The following PAPPA2 variants were observed in gnomAD, a reference collection of about 807,000 sequenced individuals.
PAPPA2 encodes pappalysin-2.
Under a neutral mutation model 176.4 loss-of-function variants are expected in PAPPA2, and 86 were observed. The ratio of observed to expected loss-of-function variants is 0.49; its 90% CI spans 0.41 to 0.58. The LOEUF (loss-of-function observed/expected upper bound fraction) is 0.58. Ranked by LOEUF, PAPPA2 falls within the 20% of genes least tolerant of loss-of-function variation. The pLI is 0.00. For missense variants in PAPPA2, 2,073 were observed against 2,256.9 expected (o/e 0.92, Z 1.65); for synonymous variants, 809 against 852.2 (o/e 0.95, Z 0.88).
intron 2 of PAPPA2, among the ~76,000 whole-genome samples, chr1:176,561,049 C>G (rs989994130): frequency 6.6e-6 from 1 of 152,214 alleles, no homozygotes; most frequent in Admixed American, 6.5e-5. Context: ...CTCTGAGGAT[C>G]CGAGCATTAG....
At chr1:176,616,377 C>T (rs565410353) in intron 3 of PAPPA2, 1 of 587,484 alleles carries the variant, frequency 1.7e-6, no homozygotes, top group East Asian at 4.1e-5. Flanking sequence ...AAAAGCTCCA[C>T]TCCGCTTTTG....
intron 3 of PAPPA2, among the ~76,000 whole-genome samples, chr1:176,605,949 C>T (rs985256616): frequency 2.0e-5 from 3 of 152,068 alleles, no homozygotes; most frequent in African/African-American, 7.2e-5. Context: ...ATGTAACTCC[C>T]ACTGAATTTT....
chr1:176,690,822 G>A (rs1660087187), intron 5 of PAPPA2: 2 of 1,008,240 alleles, frequency 2.0e-6, no homozygotes, highest in Non-Finnish European at 2.4e-6. Context: ...AAGAGTTTAT[G>A]GGTCAAGGTG....
chr1:176,844,979 C>G lies in PAPPA2; in HGVS notation c.*2525C>G, dbSNP rs1466283448. On this transcript the variant is annotated 3_prime_UTR_variant, in exon 23 of 23. Coordinates refer to ENST00000367662, the MANE Select transcript of PAPPA2 (RefSeq NM_020318.3). ...AGTTCCTGTTGTGTGTGAAGAGCCT[C>G]TTAGGCTATAAGGCTTCCCAGCCAT... 6.6e-6 allele frequency: 1 copy of G among 152,168 alleles called. No individual in the cohort carries two copies. The highest frequency in any genetic ancestry group is 1.5e-5 in the Non-Finnish European group (1 of 68,026). 9.4% of individuals were successfully genotyped at this position (152,168 alleles called of 1,614,324 possible).
intron 1 of PAPPA2, among the ~76,000 whole-genome samples, chr1:176,466,135 C>T (rs947095309): frequency 3.9e-5 from 6 of 151,976 alleles, no homozygotes; most frequent in South Asian, 2.1e-4. Context: ...ATTCTTCAAA[C>T]TTGAAGAATT....
At position 176,692,102 on chromosome 1, in the gene PAPPA2, G is replaced by A. The variant is rs1016387935; in HGVS notation, c.2432-24G>A. 7 of 1,590,238 alleles carry A rather than the reference G, an allele frequency of 4.4e-6. No individual in the cohort carries two copies. The Admixed American group carries it at 8.5e-5, about 19-fold the overall frequency. Reference sequence around the variant, plus strand: ...TGATGGGTTAAAATCTCCATCTCTTGTGCCACCTTTTTTGTCTCCACAGAT... The same window carrying A: ...TGATGGGTTAAAATCTCCATCTCTTATGCCACCTTTTTTGTCTCCACAGAT... On this transcript the variant is annotated intron_variant, in intron 5 of 22. Transcript: ENST00000367662.
chr1:176,689,993 G>A (rs548061663), intron 4 of PAPPA2, 144 bp from the exon 5 acceptor site: 2 of 727,126 alleles, frequency 2.8e-6, no homozygotes, highest in East Asian at 2.6e-5. Flanking sequence ...AGAAAGAAAA[G>A]CAATGACTGT....
chr1:176,826,598 C>A (rs1347118801), intron 21 of PAPPA2, among the ~76,000 whole-genome samples: 1 of 152,174 alleles, frequency 6.6e-6, no homozygotes, highest in African/African-American at 2.4e-5. Flanking sequence ...ATCAGCCACA[C>A]AAACTGAACT....
chr1:176,538,237 G>C (rs1028313200), intron 1 of PAPPA2, among the ~76,000 whole-genome samples: 1 of 152,078 alleles, frequency 6.6e-6, no homozygotes, highest in African/African-American at 2.4e-5. Context: ...CAACAGTTGG[G>C]ATGGACCCCA....
At chr1:176,718,195 TA>T (rs1268018971) in intron 12 of PAPPA2, among the ~76,000 whole-genome samples, 5 of 152,080 alleles carry the variant, frequency 3.3e-5, no homozygotes, top group Admixed American at 6.5e-5. Flanking sequence ...ATTTGTCCCT[TA>T]AAAAAATCTA....
In PAPPA2 at chr1:176,595,445, T is replaced by C. The variant is rs1271952781; in HGVS notation, c.1841T>C (p.Leu614Pro). 1 of 1,614,078 alleles carries C rather than the reference T, an allele frequency of 6.2e-7. No individual in the cohort carries two copies. Among genetic ancestry groups the C allele is most frequent in the African/African-American group, 1.3e-5 (1 of 74,932 alleles). Residue 614 changes from leucine (L) to proline (P), a missense_variant, in exon 3 of 23, where the codon CTG becomes CCG. By Grantham distance (98) the Leu-to-Pro change is moderately conservative. Coordinates refer to ENST00000367662, the MANE Select transcript of PAPPA2 (RefSeq NM_020318.3). ...LTGYDGGDCR[L>P]QGRCYSWNRR... is the part of the protein sequence containing the mutation. ...GGCTATGATGGGGGTGACTGCCGCC[T>C]GCAGGGCCGCTGCTACTCCTGGAAC...
chr1:176,735,103 T>C (rs917172607), intron 12 of PAPPA2, among the ~76,000 whole-genome samples: 1 of 152,120 alleles, frequency 6.6e-6, no homozygotes, highest in Admixed American at 6.6e-5. Context: ...AGAATCCTAG[T>C]TTCCTCTTAT....
At chr1:176,524,855 C>T (rs1649400322) in intron 1 of PAPPA2, among the ~76,000 whole-genome samples, 1 of 151,964 alleles carries the variant, frequency 6.6e-6, no homozygotes. Flanking sequence ...AACCCCGTCT[C>T]TACTAAAAAA....
chr1:176,721,583 A>G (rs1018594459), intron 12 of PAPPA2, among the ~76,000 whole-genome samples: 1 of 152,174 alleles, frequency 6.6e-6, no homozygotes. Flanking sequence ...TATCCTTTGG[A>G]AGATGTTATC....
chr1:176,506,782 T>C (rs10913190), intron 1 of PAPPA2, among the ~76,000 whole-genome samples: 17,448 of 152,006 alleles, frequency 0.11, 1,613 homozygotes, highest in African/African-American at 0.26. Flanking sequence ...AAATAGAGAA[T>C]CGTATCATCA....
chr1:176,766,008 T>C (rs1249062267), intron 15 of PAPPA2, among the ~76,000 whole-genome samples, 171 bp downstream of exon 15: 1 of 152,206 alleles, frequency 6.6e-6, no homozygotes, highest in Admixed American at 6.5e-5. Flanking sequence ...ATGCAAGGTA[T>C]ATAAAAGCAT....
chr1:176,627,452 T>G (rs1410919147), intron 3 of PAPPA2, among the ~76,000 whole-genome samples: 1 of 152,222 alleles, frequency 6.6e-6, no homozygotes, highest in East Asian at 1.9e-4. Context: ...CAAAGAGCAG[T>G]GACTAGACCT....
chr1:176,464,745 T>G (rs1471863925), intron 1 of PAPPA2, among the ~76,000 whole-genome samples: 1 of 152,210 alleles, frequency 6.6e-6, no homozygotes, highest in African/African-American at 2.4e-5. Context: ...GAAGAGTTTC[T>G]TCTTAACTAG....
chr1:176,512,627 T>A (rs1456631297), intron 1 of PAPPA2, among the ~76,000 whole-genome samples: 1 of 152,064 alleles, frequency 6.6e-6, no homozygotes, highest in African/African-American at 2.4e-5. Flanking sequence ...CAAAGGAACA[T>A]GAGAAAGCTT....
Sources: gnomAD v4.1 joint callset for allele counts (sites outside exome capture counted in the v4.1 genomes callset) on GRCh38, gnomAD v4.1.1 for gene constraint, MANE v1.5 for transcripts, NCBI Gene and HGNC (gene_info 2026-07-23, HGNC 2026-07-21) for gene names.